The following MYBPC1 variants were observed in gnomAD, a reference collection of about 807,000 sequenced individuals.
The protein encoded by MYBPC1 is myosin-binding protein C, slow-type.
MYBPC1 carries 52 observed loss-of-function variants against 147.1 expected under a neutral mutation model. The observed-to-expected ratio is 0.35, with a 90% CI of 0.28 to 0.45. The LOEUF is 0.45. Among genes scored for constraint, MYBPC1 ranks in the 20% least tolerant of loss-of-function variants. The pLI is 1.00. For synonymous variants in MYBPC1, 477 were observed against 475.9 expected (o/e 1.00, Z -0.03); for missense variants, 1,228 against 1,440.3 (o/e 0.85, Z 2.39).
chr12:101,656,019 A>C (rs1392497596), intron 18 of MYBPC1, among the ~76,000 whole-genome samples: 2 of 152,128 alleles, frequency 1.3e-5, no homozygotes, highest in African/African-American at 4.8e-5. Context: ...GAAATGAATG[A>C]CAGCAATAAT....
intron 11 of MYBPC1, 31 bp downstream of exon 11, chr12:101,642,616 G>T (rs766195292): frequency 1.1e-5 from 18 of 1,592,290 alleles, no homozygotes; most frequent in Non-Finnish European, 1.5e-5. Context: ...GGCAGCGGCC[G>T]AGGGGCGTGG....
At chr12:101,673,330 C>G in intron 24 of MYBPC1, 97 bp from the exon 25 acceptor site, 1 of 1,281,982 alleles carries the variant, frequency 7.8e-7, no homozygotes. Flanking sequence ...CCAGCCCTGC[C>G]TAGAATGGGT....
At chr12:101,675,076 A>G (rs1013187177) in intron 25 of MYBPC1, among the ~76,000 whole-genome samples, 17 of 152,048 alleles carry the variant, frequency 1.1e-4, no homozygotes, top group African/African-American at 3.9e-4. Flanking sequence ...GAGTTTTGTT[A>G]AGTTGCAGGG....
intron 6 of MYBPC1, among the ~76,000 whole-genome samples, chr12:101,630,417 T>C (rs1454042885): frequency 6.6e-6 from 1 of 152,190 alleles, no homozygotes; most frequent in Non-Finnish European, 1.5e-5. Flanking sequence ...GAAAGACAGT[T>C]TAACTTCTTT....
intron 3 of MYBPC1, among the ~76,000 whole-genome samples, chr12:101,624,684 T>TTTA (rs1491431291): frequency 2.5e-5 from 1 of 40,458 alleles, no homozygotes; most frequent in African/African-American, 1.9e-4. Flanking sequence ...GGCTAATTAA[T>TTTA]TTTTTTTTTT....
chr12:101,666,610 C>A, intron 22 of MYBPC1: 2 of 893,436 alleles, frequency 2.2e-6, no homozygotes, highest in Non-Finnish European at 3.7e-6. Context: ...TGGTCTCTTC[C>A]GTCACTGCTC....
intron 22 of MYBPC1, among the ~76,000 whole-genome samples, chr12:101,665,112 C>T (rs117317284): frequency 0.015 from 2,207 of 152,198 alleles, 29 homozygotes; most frequent in Non-Finnish European, 0.023. Flanking sequence ...TTTGATGTTA[C>T]CCACCTTAGA....
At chr12:101,674,489 T>C (rs757130494) in intron 25 of MYBPC1, among the ~76,000 whole-genome samples, 2 of 152,190 alleles carry the variant, frequency 1.3e-5, no homozygotes, top group Non-Finnish European at 2.9e-5. Flanking sequence ...TTCTTACTTC[T>C]GTCCAGAGTC....
rs183124291 is a variant in MYBPC1 at position 101,664,193 on chromosome 12, T to A, written c.2356+633T>A. Among the ~76,000 whole-genome samples the A allele has an allele frequency of 4.5e-3, 684 of 152,254 alleles. 3 individuals are homozygous for A. Among genetic ancestry groups the A allele is most frequent in the African/African-American group, 0.016 (654 of 41,538 alleles). Reference sequence around the variant, plus strand: ...GAAGAGAAACAAGGCCATAAATTTTTAAAATCACTGATAGAAATAATAGAA... The same window carrying A: ...GAAGAGAAACAAGGCCATAAATTTTAAAAATCACTGATAGAAATAATAGAA... On this transcript the variant is annotated intron_variant, in intron 22 of 31. Coordinates refer to ENST00000361466, the MANE Select transcript of MYBPC1 (RefSeq NM_002465.4).
intron 1 of MYBPC1, among the ~76,000 whole-genome samples, chr12:101,604,275 G>A (rs1881280206): frequency 2.6e-5 from 4 of 151,962 alleles, no homozygotes; most frequent in African/African-American, 9.7e-5. Flanking sequence ...ATAATTAGAA[G>A]GACAAAAGAA....
chr12:101,692,426 C>T, the MYBPC1 span, among the ~76,000 whole-genome samples: 24 of 152,262 alleles, frequency 1.6e-4, no homozygotes, highest in Admixed American at 1.3e-4. Flanking sequence ...ATTTTGCAGT[C>T]GTTGGGAACA....
chr12:101,628,446 T>G (rs1889126504), intron 5 of MYBPC1, among the ~76,000 whole-genome samples: 1 of 152,226 alleles, frequency 6.6e-6, no homozygotes, highest in African/African-American at 2.4e-5. Context: ...TGTGAAAATG[T>G]TTAACCTCAT....
intron 18 of MYBPC1, 130 bp downstream of exon 18, chr12:101,653,378 T>C: frequency 1.6e-6 from 2 of 1,244,530 alleles, no homozygotes; most frequent in Non-Finnish European, 1.1e-6. Flanking sequence ...ACAGTAAAGA[T>C]GTAATTCCTT....
intron 18 of MYBPC1, among the ~76,000 whole-genome samples, chr12:101,656,816 C>G (rs1895627621): frequency 6.6e-6 from 1 of 152,172 alleles, no homozygotes. Context: ...AGTAAGGACA[C>G]AGCTGAACTC....
At chr12:101,653,006 T>C (rs1894810812) in intron 17 of MYBPC1, 109 bp from the exon 18 acceptor site, 1 of 1,429,478 alleles carries the variant, frequency 7.0e-7, no homozygotes, top group African/African-American at 1.4e-5. Flanking sequence ...CTTATATTCT[T>C]TTTGATTAGA....
rs142871093 is a variant in MYBPC1 at position 101,630,501 on chromosome 12, G to A, written c.289+957G>A. On this transcript the variant is annotated intron_variant, in intron 6 of 31. Coordinates refer to ENST00000361466, the MANE Select transcript of MYBPC1 (RefSeq NM_002465.4). ...CTGTGAAGTATTTTGAACAGTGCCT[G>A]ACACACCATAATGCTGAGCCAGTGT... Among the ~76,000 whole-genome samples, 227 of 152,278 alleles carry A rather than the reference G, an allele frequency of 1.5e-3. 2 individuals are homozygous for A. Among genetic ancestry groups the A allele is most frequent in the African/African-American group, 5.3e-3 (221 of 41,548 alleles).
chr12:101,652,769 A>G lies in MYBPC1; in HGVS notation c.1618A>G (p.Lys540Glu). ...PDAYNVTLPAKVHVIDPPKII... is the reference protein window; with the variant it reads ...PDAYNVTLPAEVHVIDPPKII... ...TGCCTACAATGTTACTCTGCCTGCCAAAGTTCATGTTATTGGTGAGTAGAT... is the reference window on the plus strand; with the variant it reads ...TGCCTACAATGTTACTCTGCCTGCCGAAGTTCATGTTATTGGTGAGTAGAT... The change falls in exon 17 of 32, where the codon AAA (lysine) becomes GAA (glutamate). Residue 540 changes from lysine to glutamate, a missense_variant. This residue lies in a region of MYBPC1 where 1,077 missense variants were observed against 1,314.2 expected (regional missense o/e 0.82). Transcript: ENST00000361466. 1 of 1,612,648 alleles carries G rather than the reference A, an allele frequency of 6.2e-7. No homozygotes were observed. Among genetic ancestry groups the G allele is most frequent in the Non-Finnish European group, 8.5e-7 (1 of 1,178,648 alleles).
intron 6 of MYBPC1, among the ~76,000 whole-genome samples, chr12:101,629,805 G>A (rs1027656096): frequency 1.3e-5 from 2 of 151,906 alleles, no homozygotes; most frequent in Admixed American, 6.6e-5. Flanking sequence ...CCCACGAGGC[G>A]GAGGTTGCAG....
intron 29 of MYBPC1, among the ~76,000 whole-genome samples, chr12:101,681,578 ATATATATATATATATTTT>A (rs1410331054): frequency 8.7e-5 from 2 of 23,030 alleles, no homozygotes; most frequent in African/African-American, 4.5e-4. Context: ...ATATATATAT[ATATATATATATATATTTT>A]TTTTTTTTTT....
Sources: gnomAD v4.1 joint callset for allele counts (sites outside exome capture counted in the v4.1 genomes callset) on GRCh38, gnomAD v4.1.1 for gene constraint, gnomAD v4.1.1 regional missense constraint, MANE v1.5 for transcripts, NCBI Gene and HGNC (gene_info 2026-07-23, HGNC 2026-07-21) for gene names.